Variants in PRKCA observed in about 807,000 individuals in gnomAD.
PRKCA encodes the protein protein kinase C alpha type.
In PRKCA, 27 loss-of-function variants were observed where a neutral mutation model predicts 87.0. The observed-to-expected ratio is 0.31, with a 90% CI of 0.23 to 0.43. The LOEUF (loss-of-function observed/expected upper bound fraction) is 0.43. Among genes scored for constraint, PRKCA ranks in the 20% least tolerant of loss-of-function variants. The probability of loss-of-function intolerance (pLI) is 1.00; values close to 1 mark genes in which losing one functional copy is unlikely to be tolerated. For synonymous variants in PRKCA, 329 were observed against 311.1 expected (o/e 1.06, Z -0.61); for missense variants, 518 against 852.3 (o/e 0.61, Z 4.88).
chr17:66,531,649 A>G (rs1567879816), intron 3 of PRKCA, among the ~76,000 whole-genome samples: 1 of 152,108 alleles, frequency 6.6e-6, no homozygotes, highest in Non-Finnish European at 1.5e-5. Context: ...TTTACAAATC[A>G]CCTTTTGGTG....
intron 5 of PRKCA, among the ~76,000 whole-genome samples, chr17:66,662,759 A>G (rs1208958352): frequency 6.6e-6 from 1 of 151,914 alleles, no homozygotes; most frequent in Non-Finnish European, 1.5e-5. Context: ...CTTCTGCTTT[A>G]TACTCTCAGA....
chr17:66,494,696 C>A (rs182581908), intron 2 of PRKCA, among the ~76,000 whole-genome samples: 3 of 152,252 alleles, frequency 2.0e-5, no homozygotes, highest in Admixed American at 2.0e-4. Context: ...TGTTATTATT[C>A]AACAAATGAT....
Position 66,641,432 on chromosome 17 carries a change from C to CT in PRKCA, c.367dup (p.Tyr123LeufsTer11). On this transcript the variant is annotated frameshift_variant, in exon 4 of 17. Transcript: ENST00000413366. LOFTEE classifies it high-confidence loss of function. ...TCTGCGATCACTGTGGGTCACTGCT[C>CT]TATGGACTTATCCATCAAGGGATGA... The CT allele has an allele frequency of 6.2e-7, 1 of 1,610,468 alleles. No homozygotes were observed. The highest frequency in any genetic ancestry group is 8.5e-7 in the Non-Finnish European group (1 of 1,177,938).
At chr17:66,503,213 T>A (rs1443545327) in intron 3 of PRKCA, among the ~76,000 whole-genome samples, 14 of 152,178 alleles carry the variant, frequency 9.2e-5, no homozygotes, top group Admixed American at 9.2e-4. Flanking sequence ...TGTTTTTATT[T>A]GCCCCATGTG....
intron 2 of PRKCA, among the ~76,000 whole-genome samples, chr17:66,421,477 A>G (rs1024741326): frequency 8.1e-6 from 1 of 123,714 alleles, no homozygotes; most frequent in Non-Finnish European, 1.7e-5. Context: ...TTTCAGCTTT[A>G]TAGGGAAAGA....
At chr17:66,800,375 G>T (rs893842425) in intron 16 of PRKCA, among the ~76,000 whole-genome samples, 8 of 152,214 alleles carry the variant, frequency 5.3e-5, no homozygotes, top group African/African-American at 1.7e-4. Flanking sequence ...TAGCTCTGCA[G>T]ACCTCAGCAC....
rs1407923948 is a variant in PRKCA, at chr17:66,581,092, G to A, written c.289-60263G>A. Among the ~76,000 whole-genome samples, 6 of 152,188 alleles carry A rather than the reference G, an allele frequency of 3.9e-5. 1 individual carries two copies. The highest frequency in any genetic ancestry group is 1.4e-4 in the African/African-American group (6 of 41,440). On this transcript the variant is annotated intron_variant, in intron 3 of 16. Transcript: ENST00000413366. ...GGATTCAGCAGTAATTAAAATGACT[G>A]TGTTGTTTATAAATTGTTTTATGAG...
chr17:66,626,309 T>C (rs1192329372), intron 3 of PRKCA, among the ~76,000 whole-genome samples: 1 of 150,896 alleles, frequency 6.6e-6, no homozygotes, highest in Non-Finnish European at 1.5e-5. Flanking sequence ...CACCTCAGCC[T>C]CCCAAGTAGC....
intron 12 of PRKCA, 99 bp downstream of exon 12, chr17:66,741,820 A>G: frequency 7.9e-7 from 1 of 1,269,042 alleles, no homozygotes; most frequent in African/African-American, 1.5e-5. Context: ...CACAGAGTTG[A>G]TAACTCCCCA....
At chr17:66,423,402 A>T (rs62070392) in intron 2 of PRKCA, among the ~76,000 whole-genome samples, 6,390 of 152,328 alleles carry the variant, frequency 0.042, 195 homozygotes, top group Admixed American at 0.076. Context: ...CAGGTTTGAT[A>T]GTTTGATAAT....
chr17:66,636,590 C>T (rs1248419583), intron 3 of PRKCA, among the ~76,000 whole-genome samples: 2 of 152,196 alleles, frequency 1.3e-5, no homozygotes, highest in Non-Finnish European at 2.9e-5. Flanking sequence ...GTTTCCTCCC[C>T]ATCCAGGCCC....
intron 2 of PRKCA, among the ~76,000 whole-genome samples, chr17:66,456,548 A>G (rs748911948): frequency 1.1e-4 from 16 of 152,132 alleles, no homozygotes; most frequent in Non-Finnish European, 1.8e-4. Flanking sequence ...GGGATGATAG[A>G]TCTCTAAAAC....
chr17:66,770,078 T>C (rs1399266690), intron 13 of PRKCA, among the ~76,000 whole-genome samples: 1 of 152,264 alleles, frequency 6.6e-6, no homozygotes, highest in African/African-American at 2.4e-5. Context: ...CTCTCAGATT[T>C]ATACATTTCT....
At chr17:66,648,200 G>GATAACCAAT in intron 5 of PRKCA, among the ~76,000 whole-genome samples, 1 of 152,222 alleles carries the variant, frequency 6.6e-6, no homozygotes, top group South Asian at 2.1e-4. Flanking sequence ...CTTTTATAAG[G>GATAACCAAT]CTCTGCGTTT....
chr17:66,708,970 A>T (rs1973253005), intron 8 of PRKCA, among the ~76,000 whole-genome samples: 1 of 152,222 alleles, frequency 6.6e-6, no homozygotes, highest in Non-Finnish European at 1.5e-5. Flanking sequence ...TTAAAGGCCC[A>T]TAATGATAAA....
chr17:66,772,115 A>T (rs906102165), intron 13 of PRKCA, among the ~76,000 whole-genome samples: 1 of 152,026 alleles, frequency 6.6e-6, no homozygotes, highest in Non-Finnish European at 1.5e-5. Context: ...AAAATATGCA[A>T]CTCCTTTGAT....
Position 66,394,738 on chromosome 17 carries a change from C to T in PRKCA, c.205+88611C>T, listed in dbSNP as rs531813529. ...GGTAGTTGAATCACTGGGGCAGGTT[C>T]CCCCATGCTGTTCTTGTGATAGTGA... On this transcript the variant is annotated intron_variant, in intron 2 of 16. Transcript: ENST00000413366. Among the ~76,000 whole-genome samples the T allele has an allele frequency of 2.6e-5, 4 of 152,202 alleles. No individual in the cohort carries two copies. The East Asian group carries it at 5.8e-4, about 22-fold the overall frequency.
chr17:66,713,859 C>T (rs1397036234), intron 8 of PRKCA, among the ~76,000 whole-genome samples: 2 of 152,132 alleles, frequency 1.3e-5, no homozygotes, highest in Non-Finnish European at 2.9e-5. Context: ...GGGCTCTGTC[C>T]ATGAATTCCC....
intron 5 of PRKCA, among the ~76,000 whole-genome samples, chr17:66,668,380 G>T (rs574368730): frequency 2.0e-5 from 3 of 152,332 alleles, no homozygotes; most frequent in East Asian, 3.9e-4. Context: ...AGGGTCAGGG[G>T]ATTCTAACTT....
Sources: allele counts gnomAD v4.1 joint callset (sites outside exome capture counted in the v4.1 genomes callset), GRCh38; gene constraint gnomAD v4.1.1; transcripts MANE v1.5; gene names NCBI Gene and HGNC (gene_info 2026-07-23, HGNC 2026-07-21).